Variants in RASA3 observed in about 807,000 individuals in gnomAD.
RASA3 encodes RAS p21 protein activator 3, also known as ras GTPase-activating protein 3.
Under a neutral mutation model 110.0 loss-of-function variants are expected in RASA3, and 73 were observed. The observed-to-expected ratio is 0.66, with a 90% CI of 0.55 to 0.81. RASA3 has a LOEUF of 0.81. Among genes scored for constraint, RASA3 ranks in the 30% least tolerant of loss-of-function variants. The probability of loss-of-function intolerance (pLI) is 0.00; values close to 1 mark genes in which losing one functional copy is unlikely to be tolerated. For synonymous variants in RASA3, 500 were observed against 451.4 expected (o/e 1.11, Z -1.37); for missense variants, 976 against 1,113.2 (o/e 0.88, Z 1.75).
In RASA3 at chr13:114,011,283, C is replaced by T. The variant is rs867378391; in HGVS notation, c.1513-35G>A. The T allele has an allele frequency of 1.3e-6, 2 of 1,553,338 alleles. No homozygotes were observed. The highest frequency in any genetic ancestry group is 3.4e-4 in the Middle Eastern group (2 of 5,894). On this transcript the variant is annotated intron_variant, in intron 15 of 23. Coordinates refer to ENST00000334062, the MANE Select transcript of RASA3 (RefSeq NM_007368.4). The surrounding 1 kb of genome is among the most constrained non-coding windows in gnomAD (Gnocchi z 4.8). Reference sequence around the variant, plus strand: ...CGGGAGCAAGAAAGGTCTATGTCAGCATCACAGAAATGCTGTGACTGTCCC... The same window carrying T: ...CGGGAGCAAGAAAGGTCTATGTCAGTATCACAGAAATGCTGTGACTGTCCC...
chr13:114,102,416 A>T (rs1251990699), intron 1 of RASA3, among the ~76,000 whole-genome samples: 3 of 152,100 alleles, frequency 2.0e-5, no homozygotes, highest in Non-Finnish European at 4.4e-5. Flanking sequence ...AGGGAGAGGG[A>T]CAGAGAGGGA....
At chr13:114,023,238 AGGCTCGGGGACATC>A (rs2053962993) in intron 8 of RASA3, among the ~76,000 whole-genome samples, 2 of 114,900 alleles carry the variant, frequency 1.7e-5, no homozygotes, top group Non-Finnish European at 4.5e-5. Context: ...GGGACATCCC[AGGCTCGGGGACATC>A]CCAGGCTCGG....
chr13:113,995,793 GT>G lies in RASA3; in HGVS notation c.2141+737del, dbSNP rs1176109348. Among the ~76,000 whole-genome samples, 11 of 43,760 alleles carry G rather than the reference GT, an allele frequency of 2.5e-4. 2 individuals are homozygous for G. In the East Asian group the frequency reaches 5.9e-3, roughly 24 times the overall value. 28.7% of individuals were successfully genotyped at this position (43,760 alleles called of 152,430 possible). On this transcript the variant is annotated intron_variant, in intron 21 of 23. Coordinates refer to ENST00000334062, the MANE Select transcript of RASA3 (RefSeq NM_007368.4). ...TGACGGGGGGCCCGGCTGACGGGGG[GT>G]CCGGCTGATGGGGGTCCGGCTGACG...
In RASA3 at chr13:113,992,535, C is replaced by A. The variant is rs188598762; in HGVS notation, c.2195G>T (p.Arg732Leu). 4 of 1,613,516 alleles carry A rather than the reference C, an allele frequency of 2.5e-6. No homozygotes were observed. The highest frequency in any genetic ancestry group is 3.4e-6 in the Non-Finnish European group (4 of 1,179,976). Reference protein sequence around the residue: ...LDIDGDRETERIYSLFNLYMS... With the variant: ...LDIDGDRETELIYSLFNLYMS... ...GTACAAGTTGAAGAGGGAGTAGATA[C>A]GCTCCGTCTCACGGTCCCCATCAAT... Residue 732 changes from arginine to leucine, a missense_variant, in exon 22 of 24, where the codon CGT (arginine) becomes CTT (leucine). Around this residue, in one of 4 missense-constraint regions of RASA3, gnomAD observed 132 missense variants for 152.8 expected, o/e 0.86. Transcript: ENST00000334062.
Position 114,096,249 on chromosome 13 carries a change from C to T in RASA3, c.56-22412G>A, listed in dbSNP as rs971305409. Reference sequence around the variant, plus strand: ...CCCCGGCGTGCTGCCTGGGAGTCCACGTTCTCGAAAATGCAGGGTGACCCT... The same window carrying T: ...CCCCGGCGTGCTGCCTGGGAGTCCATGTTCTCGAAAATGCAGGGTGACCCT... On this transcript the variant is annotated intron_variant, in intron 1 of 23. Coordinates refer to ENST00000334062, the MANE Select transcript of RASA3 (RefSeq NM_007368.4). This position sits in a 1 kb window ranked among gnomAD's most constrained non-coding sequence, Gnocchi z 5.1. Among the ~76,000 whole-genome samples, 1 of 152,278 alleles carries T rather than the reference C, an allele frequency of 6.6e-6. No homozygotes were observed. Among genetic ancestry groups the T allele is most frequent in the African/African-American group, 2.4e-5 (1 of 41,562 alleles).
chr13:114,063,491 G>A (rs971146645), intron 2 of RASA3, among the ~76,000 whole-genome samples: 12 of 151,886 alleles, frequency 7.9e-5, no homozygotes, highest in Non-Finnish European at 1.2e-4. Flanking sequence ...ATGGAAATAC[G>A]GATAAATTTT....
At chr13:114,083,322 C>T (rs1307052439) in intron 1 of RASA3, among the ~76,000 whole-genome samples, 1 of 152,234 alleles carries the variant, frequency 6.6e-6, no homozygotes, top group Non-Finnish European at 1.5e-5. Context: ...GCTCAATTTC[C>T]TCCGATGTGT....
Position 114,011,782 on chromosome 13 carries a change from C to T in RASA3, c.1513-534G>A, listed in dbSNP as rs557708051. Among the ~76,000 whole-genome samples, 14 of 152,040 alleles carry T rather than the reference C, an allele frequency of 9.2e-5. No homozygotes were observed. Among genetic ancestry groups the T allele is most frequent in the Admixed American group, 2.0e-4 (3 of 15,272 alleles). On this transcript the variant is annotated intron_variant, in intron 15 of 23. Transcript: ENST00000334062. This position sits in a 1 kb window ranked among gnomAD's most constrained non-coding sequence, Gnocchi z 4.8. ...TAATAAAAATACAAAATTAGCTGGG[C>T]GTGGTGGCGCACGTCTGTAATCCAA...
At chr13:114,117,698 GA>G (rs2080308588) in intron 1 of RASA3, among the ~76,000 whole-genome samples, 1 of 141,616 alleles carries the variant, frequency 7.1e-6, no homozygotes, top group African/African-American at 2.7e-5. Flanking sequence ...GCATGTGTGT[GA>G]GGGGTGCACG....
intron 4 of RASA3, among the ~76,000 whole-genome samples, chr13:114,037,829 C>T (rs2054307851): frequency 6.6e-6 from 1 of 152,168 alleles, no homozygotes; most frequent in Non-Finnish European, 1.5e-5. Flanking sequence ...ACCAGCTGCG[C>T]ATGGCAGTGC....
chr13:114,019,111 G>A (rs909913950), intron 9 of RASA3, among the ~76,000 whole-genome samples, 192 bp from the exon 10 acceptor site: 3 of 152,134 alleles, frequency 2.0e-5, no homozygotes, highest in Non-Finnish European at 4.4e-5. Context: ...ATCCCCAGGA[G>A]GCAAGTGTTG....
chr13:114,074,312 A>G (rs1413460961), intron 1 of RASA3, among the ~76,000 whole-genome samples: 2 of 148,682 alleles, frequency 1.3e-5, no homozygotes, highest in Non-Finnish European at 1.5e-5. Context: ...AGTGGCCCTC[A>G]CCCCACTTTC....
intron 1 of RASA3, among the ~76,000 whole-genome samples, chr13:114,121,850 GA>G (rs761106516): frequency 3.9e-5 from 6 of 152,200 alleles, no homozygotes; most frequent in Non-Finnish European, 7.3e-5. Flanking sequence ...ACACGCTCAG[GA>G]AGGAGCTTCT....
chr13:114,092,421 C>G (rs939030239), intron 1 of RASA3, among the ~76,000 whole-genome samples: 6 of 152,090 alleles, frequency 3.9e-5, no homozygotes, highest in African/African-American at 9.7e-5. Context: ...CTTCCCTGAC[C>G]CACTGGTCAT....
At chr13:114,025,286 G>C (rs2054006707) in intron 7 of RASA3, among the ~76,000 whole-genome samples, 1 of 152,250 alleles carries the variant, frequency 6.6e-6, no homozygotes, top group Non-Finnish European at 1.5e-5. Flanking sequence ...CGCAGGGGCA[G>C]TTCTCTGCTT....
chr13:114,103,137 G>A (rs548672268), intron 1 of RASA3, among the ~76,000 whole-genome samples: 238 of 152,296 alleles, frequency 1.6e-3, no homozygotes, highest in African/African-American at 5.3e-3. Flanking sequence ...TGCTGTGTCT[G>A]GCAGAGAAGC....
At chr13:114,101,968 G>C (rs957003942) in intron 1 of RASA3, among the ~76,000 whole-genome samples, 1 of 152,130 alleles carries the variant, frequency 6.6e-6, no homozygotes, top group Non-Finnish European at 1.5e-5. Context: ...TGGGGAGCGG[G>C]GGTCTCAGTT....
intron 14 of RASA3, among the ~76,000 whole-genome samples, chr13:114,013,642 CTCTT>C (rs1489723483): frequency 6.9e-6 from 1 of 145,468 alleles, no homozygotes; most frequent in Non-Finnish European, 1.5e-5. Context: ...CTCTCTCCAT[CTCTT>C]TGTCTCTCTC....
intron 1 of RASA3, among the ~76,000 whole-genome samples, chr13:114,122,554 C>T (rs1163769479): frequency 6.6e-6 from 1 of 152,240 alleles, no homozygotes; most frequent in South Asian, 2.1e-4. Context: ...CTTCCTGCCC[C>T]CGAGCCGTGC....
Sources: gnomAD v4.1 joint callset for allele counts (sites outside exome capture counted in the v4.1 genomes callset) on GRCh38, gnomAD v4.1.1 for gene constraint, gnomAD v4.1.1 regional missense constraint, Gnocchi (gnomAD v3.1) non-coding constraint, MANE v1.5 for transcripts, NCBI Gene and HGNC (gene_info 2026-07-23, HGNC 2026-07-21) for gene names.